SACM1L: variants seen among roughly 807,000 people sequenced by gnomAD.
SACM1L encodes SAC1 like phosphatidylinositide phosphatase.
Under a neutral mutation model 89.5 loss-of-function variants are expected in SACM1L, and 32 were observed. The observed-to-expected ratio is 0.36, with a 90% CI of 0.27 to 0.48. The LOEUF (loss-of-function observed/expected upper bound fraction) is 0.48, where lower values mean the gene tolerates loss of function less well. SACM1L is among the 20% of genes least tolerant of loss of function. The pLI is 0.99. For synonymous variants in SACM1L, 213 were observed against 232.8 expected, an observed-to-expected ratio of 0.92 and a Z score of 0.77; for missense variants, 543 against 708.5, an observed-to-expected ratio of 0.77 and a Z score of 2.65.
rs1233542231 is a variant in SACM1L, at chr3:45,735,372, A to G, written c.1238A>G (p.Gln413Arg). ...LARRSLQAQL[Q>R]RLGVLHVGQK... Reference sequence around the variant, plus strand: ...CGTCGTTCACTTCAGGCCCAACTTCAGGTGCGAATGCTTTTTTTTTTTTTA... The same window carrying G: ...CGTCGTTCACTTCAGGCCCAACTTCGGGTGCGAATGCTTTTTTTTTTTTTA... The change falls in exon 14 of 20, where the codon CAG becomes CGG. Residue 413 changes from glutamine to arginine, a missense_variant and splice_region_variant. Physicochemically the swap from Gln to Arg is conservative, Grantham distance 43 (BLOSUM62 1). This residue lies in a region of SACM1L where 370 missense variants were observed against 527.6 expected (regional missense o/e 0.70). Coordinates refer to ENST00000389061, the MANE Select transcript of SACM1L (RefSeq NM_014016.5). 6.6e-7 allele frequency: 1 copy of G among 1,507,616 alleles called. No individual in the cohort carries two copies. Among genetic ancestry groups the G allele is most frequent in the Non-Finnish European group, 8.9e-7 (1 of 1,129,036 alleles). 93.4% of individuals were successfully genotyped at this position (1,507,616 alleles called of 1,614,324 possible). A position where few individuals can be genotyped will look rare whatever the true frequency, so the allele number is the denominator to read the frequency against.
chr3:45,740,475 CTGTCTACTTA>C (rs1403263033), intron 19 of SACM1L, among the ~76,000 whole-genome samples: 3 of 152,174 alleles, frequency 2.0e-5, no homozygotes, highest in African/African-American at 7.2e-5. Context: ...ATCTTTGCAG[CTGTCTACTTA>C]GGAACAAAAG....
chr3:45,734,394 C>T (rs1436647512), intron 13 of SACM1L, among the ~76,000 whole-genome samples: 24 of 147,212 alleles, frequency 1.6e-4, no homozygotes, highest in African/African-American at 4.3e-4. Context: ...GTCTGGGTGA[C>T]GGAGGGAGAT....
intron 7 of SACM1L, 111 bp from the exon 8 acceptor site, chr3:45,719,389 T>G: frequency 1.7e-6 from 1 of 579,200 alleles, no homozygotes. Context: ...ATTTGTATAC[T>G]CTTGTCATTT....
intron 7 of SACM1L, among the ~76,000 whole-genome samples, chr3:45,719,186 A>AT (rs1376647949): frequency 6.6e-6 from 1 of 152,058 alleles, no homozygotes; most frequent in Non-Finnish European, 1.5e-5. Context: ...TTCAGAGTAG[A>AT]TTTTTCAGTG....
At chr3:45,733,125 C>G (rs1010911934) in intron 13 of SACM1L, among the ~76,000 whole-genome samples, 1 of 152,200 alleles carries the variant, frequency 6.6e-6, no homozygotes, top group African/African-American at 2.4e-5. Context: ...CACCCATTAA[C>G]TGCTGCCGTA....
intron 11 of SACM1L, among the ~76,000 whole-genome samples, chr3:45,727,941 G>C (rs1344793084): frequency 6.6e-6 from 1 of 152,140 alleles, no homozygotes; most frequent in Admixed American, 6.6e-5. Flanking sequence ...AGTTCTGTCA[G>C]TGTGCTTCAT....
At chr3:45,712,449 G>A (rs1292620357) in intron 5 of SACM1L, among the ~76,000 whole-genome samples, 1 of 152,130 alleles carries the variant, frequency 6.6e-6, no homozygotes. Context: ...CGGCCAGGCT[G>A]GTCTCGAACT....
intron 8 of SACM1L, among the ~76,000 whole-genome samples, chr3:45,720,759 A>G (rs1176805586): frequency 6.6e-6 from 1 of 152,192 alleles, no homozygotes; most frequent in Non-Finnish European, 1.5e-5. Context: ...AATCTCATAA[A>G]GTATTGAGGA....
At chr3:45,732,850 T>C (rs1386243668) in intron 13 of SACM1L, among the ~76,000 whole-genome samples, 2 of 152,212 alleles carry the variant, frequency 1.3e-5, no homozygotes, top group Admixed American at 1.3e-4. Flanking sequence ...TGCCTGTGTG[T>C]GATGGTTCTA....
intron 5 of SACM1L, among the ~76,000 whole-genome samples, chr3:45,712,126 G>C (rs1417490229): frequency 6.6e-6 from 1 of 152,214 alleles, no homozygotes; most frequent in Admixed American, 6.5e-5. Flanking sequence ...CGATTCAGCT[G>C]GTTGTGGTCA....
chr3:45,699,205 C>T (rs1041614824), intron 1 of SACM1L, among the ~76,000 whole-genome samples: 3 of 151,904 alleles, frequency 2.0e-5, no homozygotes, highest in African/African-American at 4.8e-5. Flanking sequence ...CCATATCTAG[C>T]GCACCAGCAT....
At position 45,737,578 on chromosome 3, in the gene SACM1L, T is replaced by TCCCACAC; in HGVS notation, c.1240-3_1240-2insCACACCC. The TCCCACAC allele has an allele frequency of 6.3e-7, 1 of 1,592,310 alleles. No individual in the cohort carries two copies. The highest frequency in any genetic ancestry group is 8.5e-7 in the Non-Finnish European group (1 of 1,174,684). ...CATAAATCTGGGTGTGGTTTTTTAT[T>TCCCACAC]CCAGAGACTAGGAGTTTTGCATGTG... On this transcript the variant is annotated splice_region_variant and splice_polypyrimidine_tract_variant and intron_variant, in intron 14 of 19. Coordinates refer to ENST00000389061, the MANE Select transcript of SACM1L (RefSeq NM_014016.5).
intron 2 of SACM1L, among the ~76,000 whole-genome samples, chr3:45,704,383 G>C (rs1698338990): frequency 6.6e-6 from 1 of 152,008 alleles, no homozygotes; most frequent in South Asian, 2.1e-4. Context: ...TAAAATTTCT[G>C]TTTTTTTGAT....
At position 45,718,920 on chromosome 3, in the gene SACM1L, TAC is replaced by T. The variant is rs1297367400; in HGVS notation, c.578-578_578-577del. ...ATATAAAGAAAGGCTTTTGGGGAGA[TAC>T]AGTCTTTCATACTGAGGTTCACCTT... On this transcript the variant is annotated intron_variant, in intron 7 of 19. Transcript: ENST00000389061. Among the ~76,000 whole-genome samples, 5 of 152,252 alleles carry T rather than the reference TAC, an allele frequency of 3.3e-5. No homozygotes were observed. In the East Asian group the frequency reaches 9.6e-4, roughly 29 times the overall value.
At chr3:45,731,915 A>G (rs561985497) in intron 12 of SACM1L, 138 bp from the exon 13 acceptor site, 89 of 573,536 alleles carry the variant, frequency 1.6e-4, no homozygotes, top group Non-Finnish European at 2.5e-4. Flanking sequence ...TGATAAACCC[A>G]GAGTGAAGGA....
At chr3:45,742,866 G>A (rs886877895) in intron 19 of SACM1L, 1 of 152,360 alleles carries the variant, frequency 6.6e-6, no homozygotes, top group Non-Finnish European at 1.5e-5. Flanking sequence ...AACTAGTACA[G>A]GTTGGAAACA....
intron 4 of SACM1L, 184 bp downstream of exon 4, chr3:45,707,091 C>T: frequency 2.4e-5 from 11 of 449,844 alleles, no homozygotes; most frequent in South Asian, 9.2e-5. Context: ...ATTTGTTGCT[C>T]TTGTTTTTTT....
chr3:45,716,684 A>G (rs1463434655), intron 7 of SACM1L, among the ~76,000 whole-genome samples: 2 of 152,020 alleles, frequency 1.3e-5, no homozygotes, highest in Non-Finnish European at 2.9e-5. Context: ...ACAGCACCAT[A>G]TAAAGTGTCA....
At chr3:45,738,435 C>G in intron 16 of SACM1L, 143 bp from the exon 17 acceptor site, 1 of 585,124 alleles carries the variant, frequency 1.7e-6, no homozygotes, top group Non-Finnish European at 3.0e-6. Context: ...CAAGTGATTT[C>G]TTTTGTGAAG....
Sources: gnomAD v4.1 joint callset for allele counts (sites outside exome capture counted in the v4.1 genomes callset) on GRCh38, gnomAD v4.1.1 for gene constraint, gnomAD v4.1.1 regional missense constraint, MANE v1.5 for transcripts, NCBI Gene and HGNC (gene_info 2026-07-23, HGNC 2026-07-21) for gene names.